DAB1: variants seen among roughly 807,000 people sequenced by gnomAD.
DAB1 encodes DAB adaptor protein 1.
A neutral mutation model predicts 64.6 loss-of-function variants in DAB1; 15 were observed. The ratio of observed to expected loss-of-function variants is 0.23; its 90% confidence interval spans 0.16 to 0.36. The LOEUF is 0.36. DAB1 is among the 10% of genes least tolerant of loss of function. The pLI, the probability that DAB1 is intolerant of heterozygous loss-of-function variation, is 1.00. For missense variants in DAB1, 596 were observed against 706.7 expected, an observed-to-expected ratio of 0.84 and a Z score of 1.78; for synonymous variants, 235 against 251.9, an observed-to-expected ratio of 0.93 and a Z score of 0.64.
At chr1:58,295,681 C>G (rs1374969069) in intron 4 of DAB1, among the ~76,000 whole-genome samples, 1 of 152,030 alleles carries the variant, frequency 6.6e-6, no homozygotes, top group African/African-American at 2.4e-5. Context: ...ATGCCCAGTA[C>G]AGAGGACATG....
intron 6 of DAB1, among the ~76,000 whole-genome samples, chr1:57,814,210 G>T (rs911745400): frequency 6.6e-6 from 1 of 152,170 alleles, no homozygotes; most frequent in African/African-American, 2.4e-5. Flanking sequence ...CCTGAACCCC[G>T]TGTGTCTTTC....
At chr1:57,852,787 T>C (rs1271574338) in intron 1 of DAB1, among the ~76,000 whole-genome samples, 2 of 152,106 alleles carry the variant, frequency 1.3e-5, no homozygotes, top group African/African-American at 4.8e-5. Flanking sequence ...CTGTCACACT[T>C]ACACTTATTA....
intron 5 of DAB1, among the ~76,000 whole-genome samples, chr1:58,141,125 CGA>C (rs952086315): frequency 1.3e-5 from 2 of 151,670 alleles, no homozygotes; most frequent in Non-Finnish European, 1.5e-5. Flanking sequence ...AGAGCAAGAG[CGA>C]GAGAGAGAGA....
At chr1:58,228,476 T>C (rs559029154) in intron 4 of DAB1, among the ~76,000 whole-genome samples, 1 of 152,106 alleles carries the variant, frequency 6.6e-6, no homozygotes, top group African/African-American at 2.4e-5. Flanking sequence ...AGACCAGCCT[T>C]TGGGGACAGA....
chr1:57,336,189 A>G (rs1677064894), intron 1 of DAB1, among the ~76,000 whole-genome samples: 2 of 152,170 alleles, frequency 1.3e-5, no homozygotes. Flanking sequence ...CAAGTAAGAC[A>G]AGTTTACACA....
chr1:57,520,348 T>C (rs1644510749), intron 7 of DAB1, among the ~76,000 whole-genome samples: 1 of 152,234 alleles, frequency 6.6e-6, no homozygotes, highest in South Asian at 2.1e-4. Context: ...TATTCTGATA[T>C]GGTTTCTGCA....
rs190105315 is a variant in DAB1, at chr1:58,512,287, T to C, written n.108-6078A>G. Among the ~76,000 whole-genome samples the C allele has an allele frequency of 1.6e-3, 249 of 152,310 alleles. 1 individual carries two copies. Among genetic ancestry groups the C allele is most frequent in the African/African-American group, 5.8e-3 (243 of 41,566 alleles). ...AAGGATGTGAAGAAACTGGAACTCT[T>C]GTACACTGTCAGTGAGAACATAAAA... is the stretch of plus-strand genomic sequence containing the variant. On this transcript the variant is annotated intron_variant and non_coding_transcript_variant, in intron 2 of 20. Transcript: ENST00000485760.
chr1:57,204,081 G>A lies in DAB1; in HGVS notation c.68-58652C>T, dbSNP rs1037675915. 3.9e-5 allele frequency among the ~76,000 whole-genome samples: 6 copies of A among 151,990 alleles called. No homozygotes were observed. The East Asian group carries it at 9.7e-4, about 25-fold the overall frequency. Reference sequence around the variant, plus strand: ...ATTTTTGTATTTTTAGTAGAGATGAGGTTTCACCATGTTGACCAGGATGGT... The same window carrying A: ...ATTTTTGTATTTTTAGTAGAGATGAAGTTTCACCATGTTGACCAGGATGGT... On this transcript the variant is annotated intron_variant, in intron 2 of 14. Coordinates refer to ENST00000371236, the MANE Select transcript of DAB1 (RefSeq NM_001365792.1).
intron 2 of DAB1, among the ~76,000 whole-genome samples, chr1:58,511,752 T>C (rs181405386): frequency 1.3e-5 from 2 of 152,218 alleles, no homozygotes; most frequent in Non-Finnish European, 2.9e-5. Context: ...TATCTTACGC[T>C]ACACACAAAA....
chr1:58,095,261 C>T (rs979030469), intron 5 of DAB1, among the ~76,000 whole-genome samples: 3 of 152,308 alleles, frequency 2.0e-5, no homozygotes, highest in Admixed American at 6.5e-5. Context: ...ATAGTGGAAT[C>T]GGAAACTCTA....
chr1:57,813,365 C>T (rs2101887202), intron 6 of DAB1, among the ~76,000 whole-genome samples: 1 of 152,284 alleles, frequency 6.6e-6, no homozygotes. Context: ...TGAGCAAAGA[C>T]TCATTCATCA....
intron 3 of DAB1, among the ~76,000 whole-genome samples, chr1:58,395,223 A>C (rs1644510542): frequency 6.6e-6 from 1 of 152,212 alleles, no homozygotes; most frequent in South Asian, 2.1e-4. Flanking sequence ...AATGGGGTTC[A>C]GTGGGGCTTG....
chr1:58,056,522 T>C (rs780554659), intron 5 of DAB1: 1 of 1,023,856 alleles, frequency 9.8e-7, no homozygotes, highest in Non-Finnish European at 1.5e-6. Context: ...GCATTCTTAA[T>C]GTTGGGTTAT....
At chr1:58,015,483 G>A (rs1646725882) in intron 5 of DAB1, among the ~76,000 whole-genome samples, 1 of 152,096 alleles carries the variant, frequency 6.6e-6, no homozygotes, top group African/African-American at 2.4e-5. Context: ...GCCTTAACGA[G>A]ATAAACATAT....
intron 6 of DAB1, among the ~76,000 whole-genome samples, chr1:57,785,110 C>A (rs1381072197): frequency 6.6e-6 from 1 of 152,106 alleles, no homozygotes; most frequent in East Asian, 1.9e-4. Flanking sequence ...AGAAATATAA[C>A]AACAAAGCCT....
chr1:57,948,517 C>A (rs1645217313), intron 5 of DAB1, among the ~76,000 whole-genome samples: 1 of 152,170 alleles, frequency 6.6e-6, no homozygotes. Context: ...TCTGAAGTAG[C>A]CAGCCCTCCC....
At chr1:57,945,773 C>A (rs1645175892) in intron 5 of DAB1, among the ~76,000 whole-genome samples, 1 of 152,098 alleles carries the variant, frequency 6.6e-6, no homozygotes, top group Non-Finnish European at 1.5e-5. Context: ...TTGGAATTTC[C>A]AAAGCCTACC....
At chr1:58,195,757 T>C (rs960973901) in intron 4 of DAB1, among the ~76,000 whole-genome samples, 1 of 152,240 alleles carries the variant, frequency 6.6e-6, no homozygotes, top group Non-Finnish European at 1.5e-5. Flanking sequence ...ATAACAGCGA[T>C]ATTAAGAGCT....
chr1:57,021,992 T>C (rs1389877174), intron 11 of DAB1, among the ~76,000 whole-genome samples: 3 of 152,176 alleles, frequency 2.0e-5, no homozygotes, highest in Non-Finnish European at 4.4e-5. Flanking sequence ...CATTTTCTTT[T>C]GTCCCTATCA....
Sources: allele counts gnomAD v4.1 joint callset (sites outside exome capture counted in the v4.1 genomes callset), GRCh38; gene constraint gnomAD v4.1.1; transcripts MANE v1.5; gene names NCBI Gene and HGNC (gene_info 2026-07-23, HGNC 2026-07-21).